Variants in KDM2A observed in about 807,000 individuals in gnomAD.
KDM2A encodes lysine demethylase 2A.
KDM2A carries 3 observed loss-of-function variants against 137.3 expected under a neutral mutation model. That is an observed-to-expected ratio of 0.02 (90% CI 0.01 to 0.06). KDM2A has a LOEUF of 0.06. Among genes scored for constraint, KDM2A ranks in the 10% least tolerant of loss-of-function variants. The pLI is 1.00. For missense variants in KDM2A, 738 were observed against 1,510.6 expected (o/e 0.49, Z 8.48); for synonymous variants, 512 against 541.5 (o/e 0.95, Z 0.76).
chr11:67,254,494 G>A lies in KDM2A; in HGVS notation c.3307+76G>A. 7.8e-7 allele frequency: 1 copy of A among 1,276,774 alleles called. No homozygotes were observed. Among genetic ancestry groups the A allele is most frequent in the Non-Finnish European group, 1.1e-6 (1 of 881,562 alleles). 79.1% of individuals were successfully genotyped at this position (1,276,774 alleles called of 1,614,324 possible). A position where few individuals can be genotyped will look rare whatever the true frequency, so the allele number is the denominator to read the frequency against. The stretch of plus-strand genomic sequence containing the variant: ...TCCCTGGAACTTGATCAGTAAACCA[G>A]AATGACCTTGGGTCTGTTGATTGAC... On this transcript the variant is annotated intron_variant, in intron 20 of 20. Coordinates refer to ENST00000529006, the MANE Select transcript of KDM2A (RefSeq NM_012308.3). The surrounding 1 kb of genome is among the most constrained non-coding windows in gnomAD (Gnocchi z 4.7).
chr11:67,177,730 T>C (rs1300784138), intron 2 of KDM2A, among the ~76,000 whole-genome samples: 2 of 152,088 alleles, frequency 1.3e-5, no homozygotes, highest in Non-Finnish European at 2.9e-5. Context: ...AAGGAATGCA[T>C]GCTAAAATAA....
intron 2 of KDM2A, among the ~76,000 whole-genome samples, chr11:67,159,582 G>C (rs1345105986): frequency 2.0e-5 from 3 of 152,148 alleles, no homozygotes; most frequent in African/African-American, 7.2e-5. Context: ...AATTGATTAA[G>C]GTGGTAACCT....
intron 2 of KDM2A, among the ~76,000 whole-genome samples, chr11:67,131,412 C>CT (rs563635809): frequency 0.096 from 12,757 of 132,744 alleles, 1,694 homozygotes; most frequent in African/African-American, 0.3. Context: ...GTTTTCTTTT[C>CT]TTTTTTTTTT....
chr11:67,129,541 T>C (rs1010372450), intron 2 of KDM2A, among the ~76,000 whole-genome samples: 15 of 152,076 alleles, frequency 9.9e-5, no homozygotes, highest in Non-Finnish European at 1.9e-4. Flanking sequence ...GAGACCATCC[T>C]GGCTAACACG....
chr11:67,189,062 T>C (rs1408044045), intron 5 of KDM2A, among the ~76,000 whole-genome samples: 1 of 152,072 alleles, frequency 6.6e-6, no homozygotes, highest in Non-Finnish European at 1.5e-5. Flanking sequence ...GTAAACCAAC[T>C]AGATCTCACA....
Position 67,207,503 on chromosome 11 carries a change from A to G in KDM2A, c.308-7A>G, listed in dbSNP as rs756541399. On this transcript the variant is annotated splice_polypyrimidine_tract_variant and splice_region_variant and intron_variant, in intron 5 of 20. Coordinates refer to ENST00000529006, the MANE Select transcript of KDM2A (RefSeq NM_012308.3). The stretch of plus-strand genomic sequence containing the variant: ...GATAGAGATGATCGATGCATCTTTT[A>G]TGGCAGGGAGTCGTCGCATGGTGGA... 1.3e-6 allele frequency: 2 copies of G among 1,579,380 alleles called. No individual in the cohort carries two copies. Among genetic ancestry groups the G allele is most frequent in the Non-Finnish European group, 8.6e-7 (1 of 1,157,444 alleles).
At chr11:67,127,301 G>A (rs765711931) in intron 2 of KDM2A, among the ~76,000 whole-genome samples, 1 of 151,756 alleles carries the variant, frequency 6.6e-6, no homozygotes, top group African/African-American at 2.4e-5. Context: ...ATCCCTGTTC[G>A]GGCTGCTCAG....
intron 16 of KDM2A, among the ~76,000 whole-genome samples, chr11:67,249,019 G>A (rs2136458127): frequency 6.6e-6 from 1 of 152,360 alleles, no homozygotes. Flanking sequence ...GGAGGAGATG[G>A]CTTTCCAAGT....
intron 1 of KDM2A, 35 bp from the exon 2 acceptor site, chr11:67,121,199 G>A (rs1459974266): frequency 2.7e-6 from 2 of 730,578 alleles, no homozygotes. Flanking sequence ...GTTTGAGAAT[G>A]AGTTCTCATT....
intron 12 of KDM2A, chr11:67,240,433 C>A: frequency 7.1e-7 from 1 of 1,406,290 alleles, no homozygotes; most frequent in South Asian, 1.3e-5. Context: ...GGACTTTTGT[C>A]TCAGTGAAGA....
intron 5 of KDM2A, among the ~76,000 whole-genome samples, chr11:67,202,681 C>CGGG (rs1212789649): frequency 0.01 from 1,564 of 151,076 alleles, 14 homozygotes; most frequent in Non-Finnish European, 0.016. Flanking sequence ...GAGGCTGAGG[C>CGGG]AGGAGAATGG....
intron 5 of KDM2A, among the ~76,000 whole-genome samples, chr11:67,183,204 G>A (rs770560600): frequency 2.0e-5 from 3 of 152,316 alleles, no homozygotes; most frequent in South Asian, 2.1e-4. Flanking sequence ...CAGTAAATCC[G>A]TTGAATAATG....
At chr11:67,227,321 A>G (rs1858577216) in intron 10 of KDM2A, among the ~76,000 whole-genome samples, 1 of 152,172 alleles carries the variant, frequency 6.6e-6, no homozygotes, top group Non-Finnish European at 1.5e-5. Flanking sequence ...AGTATTTGTA[A>G]TAGCCTAATA....
At chr11:67,236,984 C>T (rs1232719675) in intron 12 of KDM2A, among the ~76,000 whole-genome samples, 1 of 152,080 alleles carries the variant, frequency 6.6e-6, no homozygotes, top group Non-Finnish European at 1.5e-5. Flanking sequence ...TTTGTAGGTG[C>T]CTGGCATGAC....
chr11:67,137,679 G>A (rs915090913), intron 2 of KDM2A, among the ~76,000 whole-genome samples: 7 of 152,136 alleles, frequency 4.6e-5, no homozygotes, highest in African/African-American at 1.7e-4. Context: ...AGGAGCATAA[G>A]TTCAGTTTTG....
intron 2 of KDM2A, among the ~76,000 whole-genome samples, chr11:67,128,211 C>T (rs1022300093): frequency 6.6e-6 from 1 of 151,764 alleles, no homozygotes; most frequent in Non-Finnish European, 1.5e-5. Flanking sequence ...CTGTGTTGTC[C>T]AGGCTGGTCT....
At chr11:67,159,890 TAC>T (rs1157120349) in intron 2 of KDM2A, among the ~76,000 whole-genome samples, 1 of 152,206 alleles carries the variant, frequency 6.6e-6, no homozygotes, top group African/African-American at 2.4e-5. Flanking sequence ...TGCCAGTGAA[TAC>T]AGAGTTGTAG....
intron 2 of KDM2A, among the ~76,000 whole-genome samples, chr11:67,124,817 G>A (rs933484182): frequency 1.1e-4 from 17 of 151,052 alleles, no homozygotes; most frequent in East Asian, 1.9e-4. Flanking sequence ...CAGTGTTTGT[G>A]TAAGAGGACA....
intron 2 of KDM2A, among the ~76,000 whole-genome samples, chr11:67,129,462 C>T (rs1425064347): frequency 2.6e-5 from 4 of 151,882 alleles, no homozygotes; most frequent in East Asian, 1.9e-4. Flanking sequence ...AGGCCGGGCG[C>T]GGTGGCTCAC....
Sources: gnomAD v4.1 joint callset for allele counts (sites outside exome capture counted in the v4.1 genomes callset) on GRCh38, gnomAD v4.1.1 for gene constraint, Gnocchi (gnomAD v3.1) non-coding constraint, MANE v1.5 for transcripts, NCBI Gene and HGNC (gene_info 2026-07-23, HGNC 2026-07-21) for gene names.